The following GAB1 variants were observed in gnomAD, a reference collection of about 807,000 sequenced individuals.
GAB1 encodes GRB2-associated-binding protein 1.
GAB1 carries 19 observed loss-of-function variants against 66.5 expected under a neutral mutation model. That is an observed-to-expected ratio of 0.29 (90% CI 0.20 to 0.42). GAB1 has a LOEUF of 0.42. GAB1 is among the 10% of genes least tolerant of loss of function. The pLI is 1.00. For missense variants in GAB1, 732 were observed against 858.5 expected, an observed-to-expected ratio of 0.85 and a Z score of 1.84; for synonymous variants, 294 against 301.4, an observed-to-expected ratio of 0.98 and a Z score of 0.25.
intron 1 of GAB1, chr4:143,349,841 C>G: frequency 1.3e-6 from 2 of 1,584,464 alleles, no homozygotes; most frequent in Non-Finnish European, 1.7e-6. Flanking sequence ...ATCTTCAAAA[C>G]CTCATCCTTG....
chr4:143,427,461 G>T lies in GAB1; in HGVS notation c.368-6030G>T, dbSNP rs1043301762. Among the ~76,000 whole-genome samples, 3 of 151,992 alleles carry T rather than the reference G, an allele frequency of 2.0e-5. No individual in the cohort carries two copies. In the East Asian group the frequency reaches 5.8e-4, roughly 29 times the overall value. On this transcript the variant is annotated intron_variant, in intron 2 of 9. Transcript: ENST00000262994. ...ATGTATGAAAACAGAACGGGGTTGC[G>T]GGTAAATACAGCTAAAAAATCCCAA... is the stretch of plus-strand genomic sequence containing the variant.
rs1013107118 is a variant in GAB1, at chr4:143,433,616, A to C, written c.493A>C (p.Ile165Leu). 28 of 1,613,918 alleles carry C rather than the reference A, an allele frequency of 1.7e-5. No homozygotes were observed. The highest frequency in any genetic ancestry group is 2.4e-5 in the Non-Finnish European group (28 of 1,179,890). The change falls in exon 3 of 10, where the codon ATC (isoleucine) becomes CTC (leucine). Residue 165 changes from isoleucine (I) to leucine (L), a missense_variant. Coordinates refer to ENST00000262994, the MANE Select transcript of GAB1 (RefSeq NM_002039.4). ...SATLPPPYQL[I>L]NVPPHLETLG... is the part of the protein sequence containing the mutation. Reference sequence around the variant, plus strand: ...TACTCTACCTCCTCCATATCAGCTAATCAATGTTCCACCACACCTGGAAAC... The same window carrying C: ...TACTCTACCTCCTCCATATCAGCTACTCAATGTTCCACCACACCTGGAAAC...
intron 3 of GAB1, among the ~76,000 whole-genome samples, chr4:143,436,523 A>C (rs946021701): frequency 1.4e-4 from 22 of 152,208 alleles, no homozygotes; most frequent in Admixed American, 7.9e-4. Flanking sequence ...AGGAGAGTTC[A>C]GTCATGTAGA....
chr4:143,344,537 A>G (rs1224543033), intron 1 of GAB1, among the ~76,000 whole-genome samples: 1 of 152,148 alleles, frequency 6.6e-6, no homozygotes, highest in African/African-American at 2.4e-5. Flanking sequence ...TAAAATTAGC[A>G]TTCTTTCTTT....
intron 1 of GAB1, chr4:143,395,330 A>T (rs1731390046): frequency 6.6e-6 from 1 of 152,632 alleles, no homozygotes; most frequent in Non-Finnish European, 1.5e-5. Context: ...TATTCAATAA[A>T]TATTTTTGAA....
chr4:143,340,740 G>A (rs906192269), intron 1 of GAB1, among the ~76,000 whole-genome samples: 2 of 152,152 alleles, frequency 1.3e-5, no homozygotes, highest in Non-Finnish European at 2.9e-5. Flanking sequence ...GACCTCAGGT[G>A]ATCCACCCAC....
chr4:143,378,597 T>G (rs1022524800), intron 1 of GAB1, among the ~76,000 whole-genome samples: 14 of 151,682 alleles, frequency 9.2e-5, no homozygotes, highest in African/African-American at 3.4e-4. Context: ...AACATTTGCT[T>G]TTTTGTGACA....
rs532536398 is a variant in GAB1 at position 143,374,820 on chromosome 4, G to A, written c.72+37560G>A. Among the ~76,000 whole-genome samples, 11 of 152,340 alleles carry A rather than the reference G, an allele frequency of 7.2e-5. No homozygotes were observed. The South Asian group carries it at 2.3e-3, about 32-fold the overall frequency. ...GATACGTCTCAAAGTATTCTAGGAA[G>A]CAAGTTGTTCCCATTGTGCAGTTAT... On this transcript the variant is annotated intron_variant, in intron 1 of 9. Coordinates refer to ENST00000262994, the MANE Select transcript of GAB1 (RefSeq NM_002039.4).
intron 1 of GAB1, among the ~76,000 whole-genome samples, chr4:143,385,444 C>T (rs1224371044): frequency 6.6e-6 from 1 of 152,150 alleles, no homozygotes; most frequent in Non-Finnish European, 1.5e-5. Flanking sequence ...GTGACTTAAA[C>T]AAGTTAAGAG....
intron 8 of GAB1, among the ~76,000 whole-genome samples, chr4:143,461,761 C>T (rs1419331498): frequency 6.6e-6 from 1 of 152,142 alleles, no homozygotes; most frequent in Non-Finnish European, 1.5e-5. Context: ...GAATGAGTAA[C>T]ACTTTAGTGG....
At chr4:143,447,382 G>C (rs1416602230) in intron 6 of GAB1, among the ~76,000 whole-genome samples, 6 of 152,120 alleles carry the variant, frequency 3.9e-5, no homozygotes, top group Non-Finnish European at 8.8e-5. Context: ...AAATTACCTT[G>C]GGCAGTATGG....
At chr4:143,431,478 T>C (rs986412806) in intron 2 of GAB1, among the ~76,000 whole-genome samples, 18 of 152,224 alleles carry the variant, frequency 1.2e-4, no homozygotes, top group African/African-American at 4.1e-4. Flanking sequence ...TTAATTAAGC[T>C]GAGTGCTCTT....
Position 143,460,347 on chromosome 4 carries a change from A to G in GAB1, c.1680-17A>G, listed in dbSNP as rs1180512709. ...TTTGTCAAGGCTTATGTTTGTGATG[A>G]TAATTTCTGTAATTAGCTCTTCCAG... On this transcript the variant is annotated splice_polypyrimidine_tract_variant and intron_variant, in intron 7 of 9. Transcript: ENST00000262994. 1 of 1,612,926 alleles carries G rather than the reference A, an allele frequency of 6.2e-7. No homozygotes were observed. The highest frequency in any genetic ancestry group is 8.5e-7 in the Non-Finnish European group (1 of 1,179,206).
intron 6 of GAB1, among the ~76,000 whole-genome samples, chr4:143,443,876 A>C (rs1323809489): frequency 6.6e-6 from 1 of 152,206 alleles, no homozygotes; most frequent in African/African-American, 2.4e-5. Flanking sequence ...GAAACTGCAG[A>C]AATACATAGA....
At chr4:143,363,108 G>A (rs570138654) in intron 1 of GAB1, among the ~76,000 whole-genome samples, 15 of 152,292 alleles carry the variant, frequency 9.8e-5, no homozygotes, top group African/African-American at 3.4e-4. Flanking sequence ...ATTCAAACCC[G>A]CATGTATCTG....
chr4:143,371,557 G>A (rs566240885), intron 1 of GAB1, among the ~76,000 whole-genome samples: 1 of 152,216 alleles, frequency 6.6e-6, no homozygotes, highest in South Asian at 2.1e-4. Context: ...AGTTTAATTA[G>A]ATCCCATTTG....
chr4:143,342,543 C>CT (rs5862632), intron 1 of GAB1, among the ~76,000 whole-genome samples: 1,166 of 62,520 alleles, frequency 0.019, 197 homozygotes, highest in African/African-American at 0.025. Context: ...GTGATAGATT[C>CT]TTTTTTTTTT....
At chr4:143,363,818 G>A (rs528513020) in intron 1 of GAB1, among the ~76,000 whole-genome samples, 18 of 152,258 alleles carry the variant, frequency 1.2e-4, no homozygotes, top group South Asian at 1.0e-3. Context: ...CACCCAGGCA[G>A]TGAGCAGCCT....
intron 3 of GAB1, among the ~76,000 whole-genome samples, chr4:143,436,608 G>A (rs969301118): frequency 2.0e-5 from 3 of 152,130 alleles, no homozygotes; most frequent in Admixed American, 6.6e-5. Context: ...ACGCGGCTAA[G>A]AAGAAGGGCT....
Sources: gnomAD v4.1 joint callset for allele counts (sites outside exome capture counted in the v4.1 genomes callset) on GRCh38, gnomAD v4.1.1 for gene constraint, MANE v1.5 for transcripts, NCBI Gene and HGNC (gene_info 2026-07-23, HGNC 2026-07-21) for gene names.